Variants in CHD1 observed in about 807,000 individuals in gnomAD.
The protein encoded by CHD1 is ATP-dependent chromatin remodeler CHD1.
A neutral mutation model predicts 224.2 loss-of-function variants in CHD1; 36 were observed. The observed-to-expected ratio is 0.16, with a 90% confidence interval of 0.12 to 0.21. The LOEUF is 0.21. Ranked by LOEUF, CHD1 falls within the 10% of genes least tolerant of loss-of-function variation. CHD1 has a pLI of 1.00. For missense variants in CHD1, 1,378 were observed against 1,994.8 expected, an observed-to-expected ratio of 0.69 and a Z score of 5.89; for synonymous variants, 668 against 658.3, an observed-to-expected ratio of 1.01 and a Z score of -0.23.
intron 2 of CHD1, among the ~76,000 whole-genome samples, chr5:98,919,731 A>G (rs1027401107): frequency 2.0e-5 from 3 of 152,218 alleles, no homozygotes; most frequent in African/African-American, 7.2e-5. Context: ...ACGTTTATGT[A>G]TGAGATAATA....
intron 31 of CHD1, among the ~76,000 whole-genome samples, chr5:98,867,657 G>A (rs1748983299): frequency 6.6e-6 from 1 of 152,060 alleles, no homozygotes; most frequent in Non-Finnish European, 1.5e-5. Flanking sequence ...CAAAGTACTT[G>A]TTAAACCCCT....
At chr5:98,884,079 T>G (rs528217405) in intron 18 of CHD1, among the ~76,000 whole-genome samples, 3 of 131,410 alleles carry the variant, frequency 2.3e-5, no homozygotes, top group East Asian at 2.2e-4. Context: ...TTGTTTTTTG[T>G]TTTTTTTTTT....
chr5:98,927,663 T>C (rs1351566433), intron 1 of CHD1, among the ~76,000 whole-genome samples: 1 of 152,254 alleles, frequency 6.6e-6, no homozygotes, highest in South Asian at 2.1e-4. Flanking sequence ...AGTGCCTTAC[T>C]GAACAATTAA....
At chr5:98,880,208 T>C (rs1750068669) in intron 22 of CHD1, among the ~76,000 whole-genome samples, 1 of 152,218 alleles carries the variant, frequency 6.6e-6, no homozygotes, top group South Asian at 2.1e-4. Flanking sequence ...TTTAAGGTAC[T>C]ATGCAAGGTC....
chr5:98,916,383 T>C (rs1302483122), intron 2 of CHD1, among the ~76,000 whole-genome samples: 1 of 151,000 alleles, frequency 6.6e-6, no homozygotes, highest in Non-Finnish European at 1.5e-5. Context: ...CTGTTTCTAC[T>C]AAAAATACAA....
intron 13 of CHD1, among the ~76,000 whole-genome samples, chr5:98,894,119 T>C (rs1751197384): frequency 6.6e-6 from 1 of 152,228 alleles, no homozygotes; most frequent in Admixed American, 6.5e-5. Context: ...TTAAATTCTT[T>C]GAGACATTTT....
chr5:98,904,922 T>C lies in CHD1; in HGVS notation c.230A>G (p.Lys77Arg). The C allele has an allele frequency of 6.2e-7, 1 of 1,614,034 alleles. No individual in the cohort carries two copies. The highest frequency in any genetic ancestry group is 8.5e-7 in the Non-Finnish European group (1 of 1,179,968). ...DTSRENKVQA[K>R]PPKVDGAEFW... ...CTCAGCTCCATCAACTTTCGGTGGT[T>C]TTGCTTGAACTTTGTTTTCTCGGGA... The change falls in exon 3 of 36, where the codon AAA becomes AGA. Residue 77 changes from lysine (K) to arginine (R), a missense_variant. Around this residue, in one of 16 missense-constraint regions of CHD1, gnomAD observed 306 missense variants for 298.1 expected, o/e 1.03. Transcript: ENST00000614616.
intron 2 of CHD1, among the ~76,000 whole-genome samples, chr5:98,916,168 G>C (rs1752715959): frequency 6.6e-6 from 1 of 151,952 alleles, no homozygotes. Flanking sequence ...CTCCAGCCTA[G>C]GCAACAAGAG....
In CHD1 at chr5:98,894,685, A is replaced by G. The variant is rs1361388076; in HGVS notation, c.1712T>C (p.Ile571Thr). 2 of 1,419,538 alleles carry G rather than the reference A, an allele frequency of 1.4e-6. No individual in the cohort carries two copies. The highest frequency in any genetic ancestry group is 2.0e-5 in the Admixed American group (1 of 49,842). The allele number at this position is 1,419,538 out of a possible 1,614,324, so 87.9% of individuals were successfully genotyped here. Reference sequence around the variant, plus strand: ...ATGATGCGTCCATTCATGAGTTCTTATCTATTAAGAAATTTGAAGGACAAT... The same window carrying G: ...ATGATGCGTCCATTCATGAGTTCTTGTCTATTAAGAAATTTGAAGGACAAT... ...YLGDINSRNM[I>T]RTHEWTHHQT... is the part of the protein sequence containing the mutation. The change falls in exon 13 of 36, where the codon ATA (isoleucine) becomes ACA (threonine). Residue 571 changes from isoleucine to threonine, a missense_variant and splice_region_variant. This residue lies in a region of CHD1 where 49 missense variants were observed against 135.7 expected (regional missense o/e 0.36). Coordinates refer to ENST00000614616, the MANE Select transcript of CHD1 (RefSeq NM_001270.4).
At position 98,856,472 on chromosome 5, in the gene CHD1, G is replaced by A. The variant is rs987621351; in HGVS notation, c.5041C>T (p.Gln1681Ter). The A allele has an allele frequency of 1.9e-6, 3 of 1,613,606 alleles. No individual in the cohort carries two copies. The highest frequency in any genetic ancestry group is 1.3e-5 in the African/African-American group (1 of 74,876). ...SSSGPRSPLD[Q>*]RSPYGSRSPF... ...GATCTGGAGCCATAAGGAGATCTCT[G>A]ATCTAGTGGTGACCTAGGGCCACTG... The change falls in exon 36 of 36, where the codon CAG (glutamine) becomes TAG (stop). Residue 1681 changes from glutamine (Q) to a stop codon, truncating the protein, a stop_gained. Transcript: ENST00000614616. LOFTEE classifies it high-confidence loss of function.
At chr5:98,919,512 C>A (rs867729414) in intron 2 of CHD1, among the ~76,000 whole-genome samples, 1 of 151,976 alleles carries the variant, frequency 6.6e-6, no homozygotes, top group Non-Finnish European at 1.5e-5. Flanking sequence ...ATTTTAGTTG[C>A]GAAATTAGTT....
intron 20 of CHD1, 147 bp downstream of exon 20, chr5:98,881,828 T>C: frequency 1.6e-6 from 1 of 640,212 alleles, no homozygotes; most frequent in Non-Finnish European, 2.5e-6. Flanking sequence ...AAGTATGTCT[T>C]CTAACTAGAA....
intron 32 of CHD1, among the ~76,000 whole-genome samples, chr5:98,861,058 T>C (rs1748431651): frequency 6.6e-6 from 1 of 152,208 alleles, no homozygotes; most frequent in Non-Finnish European, 1.5e-5. Flanking sequence ...GTCTTAATTA[T>C]ATCATCCGAA....
rs549362174 is a variant in CHD1 at position 98,924,604 on chromosome 5, T to G, written c.53+1730A>C. On this transcript the variant is annotated intron_variant, in intron 2 of 35. Coordinates refer to ENST00000614616, the MANE Select transcript of CHD1 (RefSeq NM_001270.4). The stretch of plus-strand genomic sequence containing the variant: ...TTTCCATAACTGTTCCTTATTTTAT[T>G]CTCTATGATGTTCTTGCTTATCCAA... Among the ~76,000 whole-genome samples the G allele has an allele frequency of 6.6e-5, 10 of 152,344 alleles. No individual in the cohort carries two copies. In the South Asian group the frequency reaches 2.1e-3, roughly 32 times the overall value.
At position 98,858,321 on chromosome 5, in the gene CHD1, T is replaced by A; in HGVS notation, c.4646A>T (p.His1549Leu). 1 of 1,613,258 alleles carries A rather than the reference T, an allele frequency of 6.2e-7. No homozygotes were observed. Among genetic ancestry groups the A allele is most frequent in the Non-Finnish European group, 8.5e-7 (1 of 1,179,314 alleles). The stretch of plus-strand genomic sequence containing the variant: ...ATGATGATCATGGTACTGAGTTAAG[T>A]GTCTATCAGAGGAATAACTGTCCCT... ...SSRDSYSSDR[H>L]LTQYHDHHKD... Residue 1549 changes from histidine (H) to leucine (L), a missense_variant, in exon 35 of 36, where the codon CAC (histidine) becomes CTC (leucine). By Grantham distance (99) the His-to-Leu change is moderately conservative. Coordinates refer to ENST00000614616, the MANE Select transcript of CHD1 (RefSeq NM_001270.4).
chr5:98,870,054 A>T (rs999594852), intron 29 of CHD1, among the ~76,000 whole-genome samples, 172 bp from the exon 30 acceptor site: 113 of 152,326 alleles, frequency 7.4e-4, no homozygotes, highest in African/African-American at 2.6e-3. Flanking sequence ...TAATGAGTCA[A>T]ATATAATATT....
At chr5:98,904,318 T>G (rs466340) in intron 3 of CHD1, among the ~76,000 whole-genome samples, 48,848 of 152,030 alleles carry the variant, frequency 0.32, 9,514 homozygotes, top group African/African-American at 0.54. Context: ...TATGAAGGAA[T>G]CTGTGTGTCG....
Position 98,928,917 on chromosome 5 carries a change from A to AGCC in CHD1, c.-530_-528dup, listed in dbSNP as rs1172668401. 3.4e-3 allele frequency: 505 copies of AGCC among 150,650 alleles called. 8 individuals carry two copies. Among genetic ancestry groups the AGCC allele is most frequent in the Non-Finnish European group, 5.5e-3 (374 of 67,770 alleles). The allele number at this position is 150,650 out of a possible 1,614,324, so 9.3% of individuals were successfully genotyped here. A position where few individuals can be genotyped will look rare whatever the true frequency, so the allele number is the denominator to read the frequency against. Reference sequence around the variant, plus strand: ...AAGCGAGCGCAACCGTCTCCGTCGTAGCCGCCGCCGCCACCGAGGTCGCCG... The same window carrying AGCC: ...AAGCGAGCGCAACCGTCTCCGTCGTAGCCGCCGCCGCCGCCACCGAGGTCGCCG... On this transcript the variant is annotated 5_prime_UTR_variant, in exon 1 of 36. Transcript: ENST00000614616.
intron 2 of CHD1, among the ~76,000 whole-genome samples, chr5:98,923,362 ATTT>A (rs1396856169): frequency 6.6e-6 from 1 of 152,214 alleles, no homozygotes; most frequent in East Asian, 1.9e-4. Flanking sequence ...CTTTGCAATT[ATTT>A]AAGATGAGTA....
Sources: gnomAD v4.1 joint callset for allele counts (sites outside exome capture counted in the v4.1 genomes callset) on GRCh38, gnomAD v4.1.1 for gene constraint, gnomAD v4.1.1 regional missense constraint, MANE v1.5 for transcripts, NCBI Gene and HGNC (gene_info 2026-07-23, HGNC 2026-07-21) for gene names.